AK5: variants seen among roughly 807,000 people sequenced by gnomAD.
AK5 encodes the protein adenylate kinase 5.
Under a neutral mutation model 69.5 loss-of-function variants are expected in AK5, and 27 were observed. The ratio of observed to expected loss-of-function variants is 0.39; its 90% CI spans 0.29 to 0.54. AK5 has a LOEUF of 0.54. AK5 is among the 20% of genes least tolerant of loss of function. The probability of loss-of-function intolerance (pLI) is 0.71; values close to 1 mark genes in which losing one functional copy is unlikely to be tolerated. For missense variants in AK5, 531 were observed against 700.4 expected (o/e 0.76, Z 2.73); for synonymous variants, 260 against 244.4 (o/e 1.06, Z -0.60).
intron 5 of AK5, among the ~76,000 whole-genome samples, chr1:77,302,560 A>AGTCTAGGTTTTGCTTCAG (rs1659402529): frequency 6.6e-6 from 1 of 152,100 alleles, no homozygotes; most frequent in African/African-American, 2.4e-5. Context: ...CAGCATCCTT[A>AGTCTAGGTTTTGCTTCAG]GTCTAGGTTT....
intron 8 of AK5, among the ~76,000 whole-genome samples, chr1:77,422,944 G>A (rs536876751): frequency 7.9e-5 from 12 of 152,140 alleles, no homozygotes; most frequent in East Asian, 1.9e-4. Flanking sequence ...GGCTGGGTGC[G>A]GTGGCTCACG....
intron 10 of AK5, among the ~76,000 whole-genome samples, chr1:77,488,241 C>T (rs530176864): frequency 1.4e-4 from 21 of 152,224 alleles, no homozygotes; most frequent in African/African-American, 4.8e-4. Context: ...ACTTATTTTA[C>T]GTTTTTTTCA....
intron 8 of AK5, among the ~76,000 whole-genome samples, chr1:77,442,980 C>T (rs1019252110): frequency 1.3e-5 from 2 of 152,104 alleles, no homozygotes; most frequent in East Asian, 3.9e-4. Flanking sequence ...TCATGACCTT[C>T]TCTGTCTCCA....
chr1:77,467,546 C>T (rs1654217081), intron 8 of AK5, among the ~76,000 whole-genome samples: 1 of 152,148 alleles, frequency 6.6e-6, no homozygotes, highest in Non-Finnish European at 1.5e-5. Flanking sequence ...CCACTTAGTT[C>T]TCATATGGTA....
chr1:77,367,551 TTATTTTTATATA>T lies in AK5; in HGVS notation c.891+26987_891+26998del, dbSNP rs1350854737. On this transcript the variant is annotated intron_variant, in intron 6 of 13. Transcript: ENST00000354567. ...CCTATGTTGCCCAGACTCATTTATG[TTATTTTTATATA>T]TATATATATATATATAATATATATG... is the stretch of plus-strand genomic sequence containing the variant. Among the ~76,000 whole-genome samples, 44 of 19,702 alleles carry T rather than the reference TTATTTTTATATA, an allele frequency of 2.2e-3. 7 individuals are homozygous for T. The highest frequency in any genetic ancestry group is 0.011 in the South Asian group (9 of 790). The allele number at this position is 19,702 out of a possible 152,430, so 12.9% of individuals were successfully genotyped here.
At chr1:77,470,244 C>A (rs1234987217) in intron 8 of AK5, among the ~76,000 whole-genome samples, 1 of 152,190 alleles carries the variant, frequency 6.6e-6, no homozygotes, top group East Asian at 1.9e-4. Context: ...GTGGCTCACA[C>A]CTGTAGTCCC....
chr1:77,504,099 C>T (rs1296332117), intron 10 of AK5, among the ~76,000 whole-genome samples: 1 of 152,268 alleles, frequency 6.6e-6, no homozygotes, highest in East Asian at 1.9e-4. Flanking sequence ...TCCTCAAGAG[C>T]AGAGTGCTAT....
intron 3 of AK5, among the ~76,000 whole-genome samples, chr1:77,294,428 TA>T (rs910019329): frequency 6.6e-6 from 1 of 152,058 alleles, no homozygotes; most frequent in African/African-American, 2.4e-5. Context: ...GAAAGTTTTC[TA>T]AACATGATGT....
chr1:77,309,389 C>T (rs1659818558), intron 5 of AK5, among the ~76,000 whole-genome samples: 1 of 152,130 alleles, frequency 6.6e-6, no homozygotes, highest in Non-Finnish European at 1.5e-5. Flanking sequence ...ATATACCTGT[C>T]TACACGTTCG....
chr1:77,410,348 G>T (rs1174645620), intron 6 of AK5, among the ~76,000 whole-genome samples: 2 of 151,906 alleles, frequency 1.3e-5, no homozygotes, highest in African/African-American at 4.8e-5. Context: ...CGCCATCTTG[G>T]CTCACTACAA....
At chr1:77,502,959 A>G (rs1656809919) in intron 10 of AK5, among the ~76,000 whole-genome samples, 1 of 152,198 alleles carries the variant, frequency 6.6e-6, no homozygotes, top group African/African-American at 2.4e-5. Context: ...CTAGTAGAAG[A>G]CGCTGGCTGC....
At chr1:77,312,213 T>C (rs12141929) in intron 5 of AK5, among the ~76,000 whole-genome samples, 15,090 of 152,142 alleles carry the variant, frequency 0.099, 913 homozygotes, top group Middle Eastern at 0.19. Flanking sequence ...TAAATTAGCA[T>C]TGGGTGGTCT....
At chr1:77,465,815 A>G (rs1654104195) in intron 8 of AK5, among the ~76,000 whole-genome samples, 1 of 152,178 alleles carries the variant, frequency 6.6e-6, no homozygotes, top group African/African-American at 2.4e-5. Flanking sequence ...GAAACAAATG[A>G]TATAATGATA....
chr1:77,533,309 A>T (rs1570324051), intron 12 of AK5, among the ~76,000 whole-genome samples: 2 of 152,182 alleles, frequency 1.3e-5, no homozygotes, highest in Middle Eastern at 6.8e-3. Context: ...TGAGGTCAGG[A>T]GTTCATGACC....
intron 10 of AK5, among the ~76,000 whole-genome samples, chr1:77,495,163 G>T (rs1656236203): frequency 6.6e-6 from 1 of 152,102 alleles, no homozygotes; most frequent in Non-Finnish European, 1.5e-5. Context: ...AGAAATGGAA[G>T]AAATCAAGGC....
chr1:77,444,211 A>G (rs1652527095), intron 8 of AK5, among the ~76,000 whole-genome samples: 1 of 127,458 alleles, frequency 7.8e-6, no homozygotes, highest in Non-Finnish European at 1.6e-5. Flanking sequence ...ATATATATAT[A>G]TACCACTTAT....
At chr1:77,390,236 A>G (rs1648333250) in intron 6 of AK5, among the ~76,000 whole-genome samples, 5 of 152,242 alleles carry the variant, frequency 3.3e-5, no homozygotes, top group Admixed American at 3.3e-4. Context: ...TAGTTTCTTT[A>G]AAAAGCCACA....
intron 5 of AK5, among the ~76,000 whole-genome samples, chr1:77,305,407 G>A (rs910321635): frequency 6.6e-6 from 1 of 152,010 alleles, no homozygotes; most frequent in African/African-American, 2.4e-5. Context: ...AGACATTTTT[G>A]CCCAGACCAA....
At chr1:77,296,501 A>C (rs59535617) in intron 3 of AK5, among the ~76,000 whole-genome samples, 1 of 125,322 alleles carries the variant, frequency 8.0e-6, no homozygotes, top group Non-Finnish European at 1.7e-5. Context: ...GTTGACAAAA[A>C]ATTTTTTTTC....
Sources: allele counts gnomAD v4.1 joint callset (sites outside exome capture counted in the v4.1 genomes callset), GRCh38; gene constraint gnomAD v4.1.1; transcripts MANE v1.5; gene names NCBI Gene and HGNC (gene_info 2026-07-23, HGNC 2026-07-21).